Variants in LAMB4 observed in about 807,000 individuals in gnomAD.
LAMB4 encodes laminin subunit beta-4.
LAMB4 carries 196 observed loss-of-function variants against 199.2 expected under a neutral mutation model. The ratio of observed to expected loss-of-function variants is 0.98; its 90% CI spans 0.88 to 1.11. The LOEUF is 1.11. Among genes scored for constraint, LAMB4 ranks in the 50% least tolerant of loss-of-function variants. The pLI, the probability that LAMB4 is intolerant of heterozygous loss-of-function variation, is 0.00. For synonymous variants in LAMB4, 744 were observed against 770.6 expected (o/e 0.97, Z 0.57); for missense variants, 2,080 against 2,171.2 (o/e 0.96, Z 0.83).
chr7:108,018,296 T>C, the LAMB4 span, among the ~76,000 whole-genome samples: 12 of 152,176 alleles, frequency 7.9e-5, no homozygotes, highest in African/African-American at 2.7e-4. Context: ...CATGGGAACA[T>C]CACCCCAGGC....
rs1025895543 is a variant in LAMB4 at position 108,069,897 on chromosome 7, A to G, written c.2125-12T>C. The G allele has an allele frequency of 6.2e-7, 1 of 1,602,058 alleles. No homozygotes were observed. ...GGAATAAGGCCAAGCTTTTGAAAGA[A>G]TGCAAAAAGACTTAACATTCAAACT... On this transcript the variant is annotated splice_polypyrimidine_tract_variant and intron_variant, in intron 17 of 33. Transcript: ENST00000388781.
chr7:108,098,375 C>G (rs2037698932), intron 11 of LAMB4, 28 bp downstream of exon 11: 1 of 1,567,288 alleles, frequency 6.4e-7, no homozygotes, highest in East Asian at 2.3e-5. Flanking sequence ...TTGATGGACA[C>G]TCCCCCGACC....
intron 21 of LAMB4, among the ~76,000 whole-genome samples, chr7:108,064,730 C>A (rs1048621974): frequency 6.6e-6 from 1 of 152,014 alleles, no homozygotes; most frequent in Admixed American, 6.6e-5. Flanking sequence ...AACTGTTAAC[C>A]TTAGATGTAA....
chr7:108,045,970 C>T (rs1317857618), intron 28 of LAMB4, among the ~76,000 whole-genome samples: 14 of 152,012 alleles, frequency 9.2e-5, no homozygotes, highest in Admixed American at 8.5e-4. Context: ...GGCTGTGGTT[C>T]TCACCCCATT....
chr7:108,039,810 T>A (rs2035358572), intron 29 of LAMB4, among the ~76,000 whole-genome samples: 1 of 152,154 alleles, frequency 6.6e-6, no homozygotes. Flanking sequence ...TAGTACATCA[T>A]ACTGAATGGG....
intron 23 of LAMB4, among the ~76,000 whole-genome samples, chr7:108,060,910 G>C (rs984959291): frequency 8.5e-5 from 13 of 152,196 alleles, no homozygotes; most frequent in African/African-American, 2.4e-5. Context: ...TCCTTCCGTA[G>C]AGCACAGTAG....
In LAMB4 at chr7:108,037,549, C is replaced by T; in HGVS notation, c.4518G>A (p.Val1506=). ...PEDIEKVANG[V]LDIHLPIPSQ... is the part of the protein sequence containing the mutation. Reference sequence around the variant, plus strand: ...ATGGAATTGGTAGGTGAATGTCAAGCACACCATTCGCAACCTTCTCGATGT... The same window carrying T: ...ATGGAATTGGTAGGTGAATGTCAAGTACACCATTCGCAACCTTCTCGATGT... The change falls in exon 30 of 34, where the codon GTG becomes GTA. Residue 1506 remains valine, a synonymous_variant. Coordinates refer to ENST00000388781, the MANE Select transcript of LAMB4 (RefSeq NM_007356.3). 3 of 1,614,160 alleles carry T rather than the reference C, an allele frequency of 1.9e-6. No individual in the cohort carries two copies. Among genetic ancestry groups the T allele is most frequent in the Non-Finnish European group, 2.5e-6 (3 of 1,180,016 alleles).
At chr7:108,055,205 A>G (rs1251234211) in intron 25 of LAMB4, among the ~76,000 whole-genome samples, 2 of 136,086 alleles carry the variant, frequency 1.5e-5, no homozygotes, top group African/African-American at 5.8e-5. Context: ...TTTTTTTTTG[A>G]GACAGAGTTT....
downstream of LAMB4, among the ~76,000 whole-genome samples, chr7:108,020,264 G>A (rs775766813): frequency 2.0e-5 from 3 of 151,894 alleles, no homozygotes; most frequent in Admixed American, 6.6e-5. Flanking sequence ...ACAAGGTCAG[G>A]AGTTCAAAAC....
chr7:108,048,975 G>T (rs1265026108), intron 27 of LAMB4, among the ~76,000 whole-genome samples: 1 of 152,166 alleles, frequency 6.6e-6, no homozygotes, highest in African/African-American at 2.4e-5. Flanking sequence ...ACAGGCGTGA[G>T]CCACCGTGCC....
chr7:108,046,171 C>A (rs1471074055), intron 28 of LAMB4, among the ~76,000 whole-genome samples: 1 of 151,838 alleles, frequency 6.6e-6, no homozygotes, highest in Non-Finnish European at 1.5e-5. Context: ...CGGGTCCCAG[C>A]AATTCTCCTG....
At chr7:108,059,097 CTTTTTT>C (rs57814646) in intron 23 of LAMB4, among the ~76,000 whole-genome samples, 1 of 107,842 alleles carries the variant, frequency 9.3e-6, no homozygotes, top group Non-Finnish European at 1.9e-5. Context: ...CAATCTGCCA[CTTTTTT>C]TTTTTTTTTT....
At chr7:108,105,090 T>A (rs538903978) in intron 8 of LAMB4, among the ~76,000 whole-genome samples, 1 of 152,246 alleles carries the variant, frequency 6.6e-6, no homozygotes, top group South Asian at 2.1e-4. Context: ...CTGTTTCCAG[T>A]GAAACAGAGG....
chr7:108,017,266 A>C, the LAMB4 span, among the ~76,000 whole-genome samples: 1 of 152,190 alleles, frequency 6.6e-6, no homozygotes, highest in Non-Finnish European at 1.5e-5. Flanking sequence ...TAAAGATTAT[A>C]TGTAGGTTCA....
At chr7:108,103,325 C>T in intron 9 of LAMB4, 93 bp from the exon 10 acceptor site, 2 of 1,009,466 alleles carry the variant, frequency 2.0e-6, no homozygotes, top group Non-Finnish European at 2.8e-6. Flanking sequence ...GCTAGTCCTC[C>T]TTGTCCTCCT....
the LAMB4 span, among the ~76,000 whole-genome samples, chr7:108,016,525 C>A: frequency 6.6e-6 from 1 of 152,296 alleles, no homozygotes; most frequent in East Asian, 1.9e-4. Context: ...CTCAAGTGAT[C>A]CGCCTGCTGC....
chr7:108,039,875 T>TA (rs2035360490), intron 29 of LAMB4, among the ~76,000 whole-genome samples: 1 of 152,174 alleles, frequency 6.6e-6, no homozygotes, highest in Non-Finnish European at 1.5e-5. Flanking sequence ...TGCCCTCTCT[T>TA]ACCACTCCTG....
intron 33 of LAMB4, among the ~76,000 whole-genome samples, chr7:108,026,024 TG>T (rs2034824573): frequency 6.6e-6 from 1 of 151,972 alleles, no homozygotes; most frequent in South Asian, 2.1e-4. Context: ...AGCACGGAGG[TG>T]TATGCAGTTC....
At chr7:108,085,640 G>A (rs2037143979) in intron 14 of LAMB4, among the ~76,000 whole-genome samples, 1 of 151,590 alleles carries the variant, frequency 6.6e-6, no homozygotes, top group South Asian at 2.1e-4. Flanking sequence ...TTGAGATGGA[G>A]TCTCGCTCTG....
Sources: gnomAD v4.1 joint callset for allele counts (sites outside exome capture counted in the v4.1 genomes callset) on GRCh38, gnomAD v4.1.1 for gene constraint, MANE v1.5 for transcripts, NCBI Gene and HGNC (gene_info 2026-07-23, HGNC 2026-07-21) for gene names.